The following CUBN variants were observed in gnomAD, a reference collection of about 807,000 sequenced individuals.
CUBN encodes the protein 460 kDa receptor.
A neutral mutation model predicts 405.3 loss-of-function variants in CUBN; 282 were observed. The ratio of observed to expected loss-of-function variants is 0.70; its 90% CI spans 0.63 to 0.77. CUBN has a LOEUF of 0.77. Among genes scored for constraint, CUBN ranks in the 30% least tolerant of loss-of-function variants. CUBN has a pLI of 0.00. For missense variants in CUBN, 4,514 were observed against 4,475.2 expected (o/e 1.01, Z -0.25); for synonymous variants, 1,684 against 1,617.0 (o/e 1.04, Z -0.99).
chr10:16,908,487 A>G lies in CUBN; in HGVS notation c.7534-808T>C, dbSNP rs1564417431. On this transcript the variant is annotated intron_variant, in intron 48 of 66. Coordinates refer to ENST00000377833, the MANE Select transcript of CUBN (RefSeq NM_001081.4). ...ACTTTGAAAAGTAATTTGAAAAATC[A>G]ATCTCCATCTGCAATTAAACATAAT... Among the ~76,000 whole-genome samples the G allele has an allele frequency of 1.3e-5, 2 of 152,348 alleles. 1 individual carries two copies. Among genetic ancestry groups the G allele is most frequent in the South Asian group, 4.1e-4 (2 of 4,826 alleles).
intron 27 of CUBN, among the ~76,000 whole-genome samples, chr10:17,038,002 G>A (rs4748343): frequency 0.16 from 24,137 of 149,724 alleles, 2,569 homozygotes; most frequent in Middle Eastern, 0.34. Context: ...GCAATGGTGC[G>A]ATCCCAGCTC....
At chr10:17,008,237 T>TGGGG (rs112445893) in intron 28 of CUBN, among the ~76,000 whole-genome samples, 7 of 136,512 alleles carry the variant, frequency 5.1e-5, no homozygotes, top group African/African-American at 2.1e-4. Context: ...TGCCCGTGTG[T>TGGGG]GGTGTGTGTG....
chr10:17,036,124 G>A (rs1834892219), intron 27 of CUBN, among the ~76,000 whole-genome samples: 1 of 152,162 alleles, frequency 6.6e-6, no homozygotes, highest in African/African-American at 2.4e-5. Flanking sequence ...TAGAGGGCTT[G>A]GCTACACTGC....
intron 27 of CUBN, among the ~76,000 whole-genome samples, chr10:17,038,741 G>A (rs962582496): frequency 6.6e-6 from 1 of 152,184 alleles, no homozygotes; most frequent in Non-Finnish European, 1.5e-5. Context: ...TCATAGACCA[G>A]CTATTGCAGC....
In CUBN at chr10:17,068,211, T is replaced by G. The variant is rs1238337406; in HGVS notation, c.2861A>C (p.His954Pro). Residue 954 changes from histidine (H) to proline (P), a missense_variant, in exon 21 of 67, where the codon CAC becomes CCC. Coordinates refer to ENST00000377833, the MANE Select transcript of CUBN (RefSeq NM_001081.4). ...TATATGCCAAGTACAGTTGATACCG[T>G]GGGGGTAGACATTTGGATGGCCAGG... is the stretch of plus-strand genomic sequence containing the variant. ...QSPGHPNVYPHGINCTWHILV... is the reference protein window; with the variant it reads ...QSPGHPNVYPPGINCTWHILV... 1.9e-6 allele frequency: 3 copies of G among 1,613,708 alleles called. No individual in the cohort carries two copies. Among genetic ancestry groups the G allele is most frequent in the Non-Finnish European group, 2.5e-6 (3 of 1,179,686 alleles).
Position 16,900,643 on chromosome 10 carries a change from A to G in CUBN, c.8392T>C (p.Trp2798Arg), listed in dbSNP as rs1456095563. Residue 2798 changes from tryptophan (W) to arginine (R), a missense_variant, in exon 53 of 67, where the codon TGG becomes CGG. By Grantham distance (101) the Trp-to-Arg change is moderately radical. Coordinates refer to ENST00000377833, the MANE Select transcript of CUBN (RefSeq NM_001081.4). ...SLQGGGFYATWNTQTLGCGGI... is the reference protein window; with the variant it reads ...SLQGGGFYATRNTQTLGCGGI... Reference sequence around the variant, plus strand: ...CTTTTACCTAAAGTTTGTGTGTTCCACGTAGCATAAAATCCACCACCTTGC... The same window carrying G: ...CTTTTACCTAAAGTTTGTGTGTTCCGCGTAGCATAAAATCCACCACCTTGC... 1 of 1,613,616 alleles carries G rather than the reference A, an allele frequency of 6.2e-7. No individual in the cohort carries two copies. The highest frequency in any genetic ancestry group is 8.5e-7 in the Non-Finnish European group (1 of 1,179,556).
intron 22 of CUBN, 31 bp downstream of exon 22, chr10:17,065,477 T>C: frequency 6.2e-7 from 1 of 1,611,802 alleles, no homozygotes; most frequent in Non-Finnish European, 8.5e-7. Context: ...ATGGAGTCAA[T>C]AAAACCGAGT....
Position 17,071,509 on chromosome 10 carries a change from G to T in CUBN, c.2542C>A (p.Gln848Lys). The T allele has an allele frequency of 6.2e-7, 1 of 1,613,980 alleles. No homozygotes were observed. The highest frequency in any genetic ancestry group is 8.5e-7 in the Non-Finnish European group (1 of 1,179,940). Residue 848 changes from glutamine (Q) to lysine (K), a missense_variant, in exon 19 of 67, where the codon CAG (glutamine) becomes AAG (lysine). Coordinates refer to ENST00000377833, the MANE Select transcript of CUBN (RefSeq NM_001081.4). ...GERTCRWTIH[Q>K]PQSQVILLNF... ...AGGAGAATGACTTGGCTTTGGGGCT[G>T]GTGGATGGTCCACCTACAGGTTCTT...
intron 28 of CUBN, among the ~76,000 whole-genome samples, chr10:17,013,856 G>A (rs1834254294): frequency 6.6e-6 from 1 of 152,166 alleles, no homozygotes; most frequent in Non-Finnish European, 1.5e-5. Context: ...TTCCACAAAT[G>A]AACTTTCATC....
intron 39 of CUBN, among the ~76,000 whole-genome samples, chr10:16,935,343 G>T (rs1299431484): frequency 6.6e-6 from 1 of 151,756 alleles, no homozygotes; most frequent in African/African-American, 2.4e-5. Context: ...TGTAGAGATG[G>T]GGTCTCCCTC....
chr10:17,121,463 G>A (rs1177625435), intron 6 of CUBN, among the ~76,000 whole-genome samples: 20 of 146,686 alleles, frequency 1.4e-4, no homozygotes, highest in South Asian at 8.7e-4. Flanking sequence ...ACCAAACACC[G>A]CATGTTCTCA....
chr10:17,070,761 G>T (rs1393219329), intron 19 of CUBN, among the ~76,000 whole-genome samples: 2 of 152,134 alleles, frequency 1.3e-5, no homozygotes, highest in African/African-American at 4.8e-5. Context: ...TTTTATGTGT[G>T]TGGATTCCTT....
At position 17,041,030 on chromosome 10, in the gene CUBN, T is replaced by C. The variant is rs1329763431; in HGVS notation, c.4017+3A>G. The stretch of plus-strand genomic sequence containing the variant: ...GTGATCAATCAAGCTTTATAATACA[T>C]ACCTCTAAATAATCTGTGGAGCAGT... On this transcript the variant is annotated splice_donor_region_variant and intron_variant, in intron 27 of 66. Transcript: ENST00000377833. The C allele has an allele frequency of 1.2e-6, 2 of 1,612,352 alleles. No homozygotes were observed. Among genetic ancestry groups the C allele is most frequent in the Non-Finnish European group, 8.5e-7 (1 of 1,178,482 alleles).
chr10:17,072,031 T>C (rs1006896965), intron 17 of CUBN, 60 bp from the exon 18 acceptor site: 1 of 1,332,224 alleles, frequency 7.5e-7, no homozygotes, highest in Non-Finnish European at 1.1e-6. Context: ...TCGGCAATGG[T>C]GGCGTTACTT....
chr10:17,111,138 T>C, intron 8 of CUBN, 88 bp from the exon 9 acceptor site: 2 of 1,417,936 alleles, frequency 1.4e-6, no homozygotes, highest in Non-Finnish European at 2.0e-6. Context: ...AAAAACCTTC[T>C]CCACCTAAGG....
chr10:16,954,098 G>A (rs1842988888), intron 32 of CUBN, among the ~76,000 whole-genome samples: 1 of 146,976 alleles, frequency 6.8e-6, no homozygotes, highest in Non-Finnish European at 1.5e-5. Flanking sequence ...TAAAGCCTTG[G>A]GTAGTGCTAG....
intron 27 of CUBN, among the ~76,000 whole-genome samples, chr10:17,024,211 C>T (rs1448776402): frequency 6.6e-6 from 1 of 152,166 alleles, no homozygotes; most frequent in East Asian, 1.9e-4. Context: ...ACACTAAAGA[C>T]ACCACGTGTG....
intron 32 of CUBN, among the ~76,000 whole-genome samples, chr10:16,953,351 A>G (rs769044956): frequency 6.6e-6 from 1 of 152,202 alleles, no homozygotes; most frequent in African/African-American, 2.4e-5. Context: ...CTAAAGGTCT[A>G]TGGTGCGTAT....
At chr10:17,107,521 G>A (rs1446694452) in intron 10 of CUBN, among the ~76,000 whole-genome samples, 10 of 134,562 alleles carry the variant, frequency 7.4e-5, no homozygotes, top group African/African-American at 2.9e-4. Context: ...TTTTTGAGAC[G>A]GAGTCTCGCT....
Sources: allele counts gnomAD v4.1 joint callset (sites outside exome capture counted in the v4.1 genomes callset), GRCh38; gene constraint gnomAD v4.1.1; transcripts MANE v1.5; gene names NCBI Gene and HGNC (gene_info 2026-07-23, HGNC 2026-07-21).